Variants in NEDD9 observed in about 807,000 individuals in gnomAD.
NEDD9 encodes enhancer of filamentation 1.
NEDD9 carries 26 observed loss-of-function variants against 76.6 expected under a neutral mutation model. The observed-to-expected ratio is 0.34, with a 90% confidence interval of 0.25 to 0.47. NEDD9 has a LOEUF of 0.47. Ranked by LOEUF, NEDD9 falls within the 20% of genes least tolerant of loss-of-function variation. The probability of loss-of-function intolerance (pLI) is 1.00; values close to 1 mark genes in which losing one functional copy is unlikely to be tolerated. For synonymous variants in NEDD9, 392 were observed against 414.2 expected, an observed-to-expected ratio of 0.95 and a Z score of 0.65; for missense variants, 937 against 1,058.5, an observed-to-expected ratio of 0.89 and a Z score of 1.59.
chr6:11,317,326 G>A (rs1027495848), intron 2 of NEDD9, among the ~76,000 whole-genome samples: 4 of 151,904 alleles, frequency 2.6e-5, no homozygotes, highest in Non-Finnish European at 5.9e-5. Context: ...CCAGCTACTC[G>A]GGAGGCTGAG....
At chr6:11,287,979 C>G (rs1052422605) in intron 3 of NEDD9, among the ~76,000 whole-genome samples, 6 of 152,194 alleles carry the variant, frequency 3.9e-5, no homozygotes, top group African/African-American at 1.4e-4. Flanking sequence ...ATGGTGGGGT[C>G]CCGGGTACAG....
chr6:11,376,070 C>T (rs1034980123), intron 1 of NEDD9, among the ~76,000 whole-genome samples: 8 of 152,218 alleles, frequency 5.3e-5, no homozygotes, highest in Admixed American at 3.9e-4. Flanking sequence ...GTGATCCGCC[C>T]GTCTCGGCCT....
At chr6:11,226,562 C>A (rs1487705328) in intron 1 of NEDD9, among the ~76,000 whole-genome samples, 1 of 152,170 alleles carries the variant, frequency 6.6e-6, no homozygotes, top group Non-Finnish European at 1.5e-5. Context: ...TTCTAATTGA[C>A]TGCAATTGGA....
chr6:11,323,584 C>A (rs1761858468), intron 2 of NEDD9, among the ~76,000 whole-genome samples: 1 of 152,116 alleles, frequency 6.6e-6, no homozygotes, highest in African/African-American at 2.4e-5. Context: ...AGAGAGGCTG[C>A]TAAACATCCT....
At chr6:11,346,152 G>C (rs769122739) in intron 1 of NEDD9, among the ~76,000 whole-genome samples, 4 of 152,190 alleles carry the variant, frequency 2.6e-5, no homozygotes, top group Non-Finnish European at 4.4e-5. Context: ...CAGGGATCTT[G>C]TCTATTTTCT....
intron 1 of NEDD9, among the ~76,000 whole-genome samples, chr6:11,369,018 TGAGAAACA>T (rs1347359484): frequency 1.3e-5 from 2 of 152,200 alleles, no homozygotes; most frequent in East Asian, 1.9e-4. Flanking sequence ...TTTGTGCAGA[TGAGAAACA>T]GAGAAACAGA....
intron 4 of NEDD9, among the ~76,000 whole-genome samples, chr6:11,192,131 T>C (rs973939795): frequency 6.6e-6 from 1 of 152,232 alleles, no homozygotes; most frequent in African/African-American, 2.4e-5. Flanking sequence ...TAGTTGGGGC[T>C]TCTCAATATG....
intron 1 of NEDD9, among the ~76,000 whole-genome samples, chr6:11,380,834 G>A (rs1421289326): frequency 6.6e-6 from 1 of 151,768 alleles, no homozygotes; most frequent in Non-Finnish European, 1.5e-5. Context: ...CTTGAGACAG[G>A]ATCTCACTCT....
chr6:11,213,222 C>T lies in NEDD9; in HGVS notation c.459+59G>A. On this transcript the variant is annotated intron_variant, in intron 2 of 6. Transcript: ENST00000379446. This position sits in a 1 kb window ranked among gnomAD's most constrained non-coding sequence, Gnocchi z 5.4. ...AATTTGGGAACATTTCCAAATGCTC[C>T]AAGTGTAATGGGAAAAAAAAATAAG... 6.8e-7 allele frequency: 1 copy of T among 1,461,808 alleles called. No homozygotes were observed. The highest frequency in any genetic ancestry group is 9.3e-7 in the Non-Finnish European group (1 of 1,080,804). The allele number at this position is 1,461,808 out of a possible 1,614,324, so 90.6% of individuals were successfully genotyped here.
chr6:11,359,606 A>G (rs1259151727), intron 1 of NEDD9, among the ~76,000 whole-genome samples: 1 of 152,256 alleles, frequency 6.6e-6, no homozygotes, highest in East Asian at 1.9e-4. Flanking sequence ...ATCTTCCTTT[A>G]GAAGGATGAC....
chr6:11,342,246 G>GGA (rs376497830), intron 1 of NEDD9, among the ~76,000 whole-genome samples: 31 of 150,704 alleles, frequency 2.1e-4, no homozygotes, highest in South Asian at 8.4e-4. Context: ...CCCAGAAGGA[G>GGA]GAGAGAGAGA....
At chr6:11,232,756 A>C, upstream of NEDD9, 1 of 1,365,728 alleles carries the variant, frequency 7.3e-7, no homozygotes, top group Non-Finnish European at 9.6e-7. Context: ...GGTAATGCTC[A>C]GGCCCTGCCC....
intron 3 of NEDD9, among the ~76,000 whole-genome samples, chr6:11,270,433 C>T (rs551109846): frequency 4.0e-4 from 61 of 151,572 alleles, no homozygotes; most frequent in African/African-American, 1.4e-3. Flanking sequence ...ATTTCTTGCC[C>T]CCGGCTTTTC....
chr6:11,232,665 C>A lies in NEDD9; in HGVS notation c.-150G>T. The A allele has an allele frequency of 6.5e-7, 1 of 1,528,404 alleles. No individual in the cohort carries two copies. The highest frequency in any genetic ancestry group is 1.2e-5 in the South Asian group (1 of 81,010). 94.7% of individuals were successfully genotyped at this position (1,528,404 alleles called of 1,614,324 possible). ...GTCAGTCGCAGCGCCTCCCTCAAGT[C>A]TCTGAGCTCACTGTTGTGACTGAGG... On this transcript the variant is annotated 5_prime_UTR_variant, in exon 1 of 7. Transcript: ENST00000379446.
intron 1 of NEDD9, among the ~76,000 whole-genome samples, chr6:11,380,117 A>G (rs1763035766): frequency 6.6e-6 from 1 of 152,226 alleles, no homozygotes; most frequent in Non-Finnish European, 1.5e-5. Flanking sequence ...CCCCCACTAC[A>G]ACCCTTGAAT....
intron 1 of NEDD9, among the ~76,000 whole-genome samples, chr6:11,337,336 T>G (rs1161452203): frequency 6.6e-6 from 1 of 152,212 alleles, no homozygotes; most frequent in African/African-American, 2.4e-5. Context: ...TCTAAAATAA[T>G]GATTAAAAGT....
intron 2 of NEDD9, among the ~76,000 whole-genome samples, chr6:11,197,362 G>C (rs1758319785): frequency 6.6e-6 from 1 of 151,978 alleles, no homozygotes; most frequent in Middle Eastern, 3.2e-3. Flanking sequence ...TTGCCAGGAA[G>C]GGGGCTGAAT....
intron 3 of NEDD9, among the ~76,000 whole-genome samples, chr6:11,303,651 C>G (rs190235521): frequency 6.6e-6 from 1 of 152,188 alleles, no homozygotes; most frequent in African/African-American, 2.4e-5. Flanking sequence ...TCAGAAATAA[C>G]ATCACACATC....
intron 1 of NEDD9, among the ~76,000 whole-genome samples, chr6:11,224,532 G>A (rs1245730186): frequency 2.0e-5 from 3 of 152,098 alleles, no homozygotes; most frequent in Admixed American, 2.0e-4. Context: ...CTGTGGTAGT[G>A]CGACTGTACC....
Sources: allele counts gnomAD v4.1 joint callset (sites outside exome capture counted in the v4.1 genomes callset), GRCh38; gene constraint gnomAD v4.1.1; non-coding constraint Gnocchi (gnomAD v3.1); transcripts MANE v1.5; gene names NCBI Gene and HGNC (gene_info 2026-07-23, HGNC 2026-07-21).